Variants in SULT2B1 observed in about 807,000 individuals in gnomAD.
SULT2B1 encodes the protein sulfotransferase 2B1.
A neutral mutation model predicts 33.2 loss-of-function variants in SULT2B1; 16 were observed. The ratio of observed to expected loss-of-function variants is 0.48; its 90% CI spans 0.33 to 0.73. SULT2B1 has a LOEUF of 0.73. Ranked by LOEUF, SULT2B1 falls within the 30% of genes least tolerant of loss-of-function variation. The probability of loss-of-function intolerance (pLI) is 0.02; values close to 1 mark genes in which losing one functional copy is unlikely to be tolerated. For synonymous variants in SULT2B1, 186 were observed against 200.5 expected, an observed-to-expected ratio of 0.93 and a Z score of 0.61; for missense variants, 500 against 506.0, an observed-to-expected ratio of 0.99 and a Z score of 0.11.
At chr19:48,590,765 A>T (rs573908456) in intron 3 of SULT2B1, among the ~76,000 whole-genome samples, 2 of 152,246 alleles carry the variant, frequency 1.3e-5, no homozygotes, top group East Asian at 3.9e-4. Context: ...ACCTCACACC[A>T]GCAGCCACGT....
intron 5 of SULT2B1, 173 bp from the exon 6 acceptor site, chr19:48,596,566 C>T: frequency 1.5e-6 from 1 of 672,496 alleles, no homozygotes; most frequent in Non-Finnish European, 2.5e-6. Flanking sequence ...ACTGCAAAAA[C>T]CCTTAGAGGC....
intron 3 of SULT2B1, among the ~76,000 whole-genome samples, chr19:48,590,927 G>A (rs755001101): frequency 1.1e-4 from 16 of 151,894 alleles, no homozygotes; most frequent in African/African-American, 3.9e-4. Context: ...TCGACCTCCC[G>A]GGCTCAAGTG....
At chr19:48,582,656 T>A (rs765250722) in intron 2 of SULT2B1, among the ~76,000 whole-genome samples, 3 of 151,858 alleles carry the variant, frequency 2.0e-5, no homozygotes, top group Non-Finnish European at 4.4e-5. Context: ...GAGACCAGAC[T>A]GGCCTACATG....
intron 1 of SULT2B1, among the ~76,000 whole-genome samples, chr19:48,561,299 A>T (rs532159077): frequency 5.3e-5 from 8 of 150,736 alleles, no homozygotes; most frequent in Middle Eastern, 3.5e-3. Context: ...GTGGTGGCAC[A>T]TGCCTGTAAT....
chr19:48,568,599 C>T (rs945889519), intron 1 of SULT2B1, among the ~76,000 whole-genome samples: 4 of 152,132 alleles, frequency 2.6e-5, no homozygotes, highest in Non-Finnish European at 5.9e-5. Flanking sequence ...GAGAGCCTGG[C>T]GGGGAGAACA....
chr19:48,572,083 C>T (rs751663425), intron 1 of SULT2B1, among the ~76,000 whole-genome samples: 3 of 152,100 alleles, frequency 2.0e-5, no homozygotes, highest in Admixed American at 6.6e-5. Context: ...AGTTTCTGTA[C>T]GGGTGGCTCC....
At chr19:48,586,087 T>A (rs1973558295) in intron 2 of SULT2B1, among the ~76,000 whole-genome samples, 1 of 151,608 alleles carries the variant, frequency 6.6e-6, no homozygotes, top group African/African-American at 2.4e-5. Context: ...CCAGGTGTGG[T>A]TGTGTGCACC....
chr19:48,586,837 G>A (rs973902419), intron 2 of SULT2B1, among the ~76,000 whole-genome samples: 2 of 152,190 alleles, frequency 1.3e-5, no homozygotes, highest in African/African-American at 4.8e-5. Context: ...CAGGCAGGGC[G>A]TGGTGGCTCA....
intron 1 of SULT2B1, among the ~76,000 whole-genome samples, chr19:48,564,659 GT>G (rs1297237711): frequency 5.9e-5 from 9 of 151,592 alleles, no homozygotes; most frequent in Admixed American, 4.6e-4. Flanking sequence ...AAAATTTGGG[GT>G]TTTTTAAATT....
Position 48,556,132 on chromosome 19 carries a change from C to T in SULT2B1, c.71+3809C>T, listed in dbSNP as rs148680787. Among the ~76,000 whole-genome samples, 447 of 152,296 alleles carry T rather than the reference C, an allele frequency of 2.9e-3. 3 individuals are homozygous for T. The highest frequency in any genetic ancestry group is 0.01 in the African/African-American group (432 of 41,564). On this transcript the variant is annotated intron_variant, in intron 1 of 6. Transcript: ENST00000201586. Reference sequence around the variant, plus strand: ...GTCCTTTGCCTGGGCTGACCTCTGCCCTCTCTCCTTCCTTTGCCAAACTTC... The same window carrying T: ...GTCCTTTGCCTGGGCTGACCTCTGCTCTCTCTCCTTCCTTTGCCAAACTTC...
chr19:48,579,877 G>A (rs1160806753), intron 2 of SULT2B1, among the ~76,000 whole-genome samples: 2 of 152,020 alleles, frequency 1.3e-5, no homozygotes. Context: ...GAAGTGCTGG[G>A]ATTACAGGCG....
rs150428452 is a variant in SULT2B1, at chr19:48,569,863, G to A, written c.72-6078G>A. The stretch of plus-strand genomic sequence containing the variant: ...GTATTTTTAGTAGAGATGGGGTTTC[G>A]CCATGTTGCCGAGGCTGGTCTCAAA... On this transcript the variant is annotated intron_variant, in intron 1 of 6. Coordinates refer to ENST00000201586, the MANE Select transcript of SULT2B1 (RefSeq NM_177973.2). Among the ~76,000 whole-genome samples, 191 of 151,922 alleles carry A rather than the reference G, an allele frequency of 1.3e-3. 1 individual carries two copies. Among genetic ancestry groups the A allele is most frequent in the African/African-American group, 2.7e-3 (110 of 41,450 alleles).
At chr19:48,597,801 GC>G (rs1246939175) in intron 6 of SULT2B1, among the ~76,000 whole-genome samples, 1 of 151,056 alleles carries the variant, frequency 6.6e-6, no homozygotes, top group Non-Finnish European at 1.5e-5. Context: ...CCACCACCAC[GC>G]CTGGCTAATT....
Position 48,596,725 on chromosome 19 carries a change from T to A in SULT2B1, c.646-14T>A. 1.9e-6 allele frequency: 3 copies of A among 1,593,590 alleles called. No homozygotes were observed. Among genetic ancestry groups the A allele is most frequent in the Non-Finnish European group, 2.6e-6 (3 of 1,175,436 alleles). ...AGTGCCCTCCCTCCGCTGACCCCTC[T>A]CCCCTGCCTGCAGGACTTACAGGGC... On this transcript the variant is annotated splice_polypyrimidine_tract_variant and intron_variant, in intron 5 of 6. Coordinates refer to ENST00000201586, the MANE Select transcript of SULT2B1 (RefSeq NM_177973.2).
At chr19:48,566,159 G>T (rs56365212) in intron 1 of SULT2B1, among the ~76,000 whole-genome samples, 2 of 151,896 alleles carry the variant, frequency 1.3e-5, no homozygotes, top group Non-Finnish European at 2.9e-5. Flanking sequence ...CTCCTGACCT[G>T]GTGATCTGCC....
chr19:48,576,354 C>CTTTTTTTTTTTTTTTT lies in SULT2B1; in HGVS notation c.214+273_214+274insTTTTTTTTTTTTTTTT, dbSNP rs879507532. 2.8e-3 allele frequency among the ~76,000 whole-genome samples: 226 copies of CTTTTTTTTTTTTTTTT among 79,860 alleles called. 28 individuals carry two copies. The highest frequency in any genetic ancestry group is 3.1e-3 in the Non-Finnish European group (136 of 43,848). The allele number at this position is 79,860 out of a possible 152,430, so 52.4% of individuals were successfully genotyped here. On this transcript the variant is annotated intron_variant, in intron 2 of 6. Transcript: ENST00000201586. ...TCCTCCCTTTCCCCTTTACCCTCTA[C>CTTTTTTTTTTTTTTTT]TTCTCTTTTTTTTTTTTTTTTTTGT... is the stretch of plus-strand genomic sequence containing the variant.
chr19:48,575,382 C>T (rs940861879), intron 1 of SULT2B1, among the ~76,000 whole-genome samples: 2 of 151,120 alleles, frequency 1.3e-5, no homozygotes, highest in African/African-American at 4.8e-5. Flanking sequence ...TCGTGATCCA[C>T]CCGCCTTGAC....
At chr19:48,581,939 C>G (rs1197108673) in intron 2 of SULT2B1, among the ~76,000 whole-genome samples, 1 of 149,686 alleles carries the variant, frequency 6.7e-6, no homozygotes, top group East Asian at 1.9e-4. Context: ...AAGTCTCGCT[C>G]TGTCGCCCAG....
At chr19:48,573,173 AAT>A (rs1242362866) in intron 1 of SULT2B1, among the ~76,000 whole-genome samples, 4 of 146,970 alleles carry the variant, frequency 2.7e-5, no homozygotes, top group Admixed American at 6.8e-5. Flanking sequence ...AAAAAAAAAA[AAT>A]TTACATGTCC....
Sources: gnomAD v4.1 joint callset for allele counts (sites outside exome capture counted in the v4.1 genomes callset) on GRCh38, gnomAD v4.1.1 for gene constraint, MANE v1.5 for transcripts, NCBI Gene and HGNC (gene_info 2026-07-23, HGNC 2026-07-21) for gene names.